Variants in CTNNBL1 observed in about 807,000 individuals in gnomAD.
The protein encoded by CTNNBL1 is catenin beta like 1.
In CTNNBL1, 31 loss-of-function variants were observed where a neutral mutation model predicts 72.7. That is an observed-to-expected ratio of 0.43 (90% CI 0.32 to 0.58). CTNNBL1 has a LOEUF of 0.58. Among genes scored for constraint, CTNNBL1 ranks in the 20% least tolerant of loss-of-function variants. The pLI is 0.08. For missense variants in CTNNBL1, 534 were observed against 725.1 expected (o/e 0.74, Z 3.03); for synonymous variants, 240 against 267.3 (o/e 0.90, Z 1.00).
At chr20:37,728,215 AATAC>A (rs1368283780) in intron 1 of CTNNBL1, among the ~76,000 whole-genome samples, 1 of 152,216 alleles carries the variant, frequency 6.6e-6, no homozygotes, top group Non-Finnish European at 1.5e-5. Context: ...ATAAGTGTAA[AATAC>A]ATACCAGATT....
At chr20:37,710,266 G>T (rs180743293) in intron 1 of CTNNBL1, among the ~76,000 whole-genome samples, 45 of 152,256 alleles carry the variant, frequency 3.0e-4, no homozygotes, top group African/African-American at 1.0e-3. Context: ...TTGAGTTCTT[G>T]TGCCTACTTT....
intron 10 of CTNNBL1, among the ~76,000 whole-genome samples, chr20:37,798,787 A>G (rs772717978): frequency 6.6e-6 from 1 of 152,168 alleles, no homozygotes; most frequent in Non-Finnish European, 1.5e-5. Context: ...AAATGGTTTG[A>G]GCGTATGCTG....
In CTNNBL1 at chr20:37,746,476, A is replaced by G; in HGVS notation, c.335A>G (p.Glu112Gly). ...CTTGTTTTCCCTCCTAGGTTCATGG[A>G]ATCCGAGCTGGACCTAAATGACATC... Reference protein sequence around the residue: ...KFPDNPEKFMESELDLNDIIQ... With the variant: ...KFPDNPEKFMGSELDLNDIIQ... The change falls in exon 4 of 16, where the codon GAA (glutamate) becomes GGA (glycine). Residue 112 changes from glutamate to glycine, a missense_variant. By Grantham distance (98) the Glu-to-Gly change is moderately conservative. Coordinates refer to ENST00000361383, the MANE Select transcript of CTNNBL1 (RefSeq NM_030877.5). The G allele has an allele frequency of 6.2e-7, 1 of 1,613,252 alleles. No homozygotes were observed. The highest frequency in any genetic ancestry group is 1.7e-5 in the Admixed American group (1 of 60,004).
chr20:37,804,507 C>CA (rs1204141920), intron 11 of CTNNBL1, among the ~76,000 whole-genome samples: 1 of 152,150 alleles, frequency 6.6e-6, no homozygotes, highest in African/African-American at 2.4e-5. Context: ...AACTTCCCTT[C>CA]ACTGCATTTT....
chr20:37,741,591 T>G (rs1342633781), intron 3 of CTNNBL1, among the ~76,000 whole-genome samples: 1 of 152,220 alleles, frequency 6.6e-6, no homozygotes, highest in Non-Finnish European at 1.5e-5. Flanking sequence ...TTATTTATAT[T>G]TAATGGAGGC....
At chr20:37,848,905 C>T (rs1293895046) in intron 13 of CTNNBL1, among the ~76,000 whole-genome samples, 1 of 151,752 alleles carries the variant, frequency 6.6e-6, no homozygotes, top group Non-Finnish European at 1.5e-5. Flanking sequence ...ACCCGGACAT[C>T]ACCCATAGGC....
intron 11 of CTNNBL1, among the ~76,000 whole-genome samples, chr20:37,809,525 G>A (rs1314873692): frequency 1.1e-4 from 17 of 152,270 alleles, no homozygotes; most frequent in African/African-American, 3.9e-4. Context: ...GTCATACAGT[G>A]GGTAATTGGC....
intron 5 of CTNNBL1, 79 bp from the exon 6 acceptor site, chr20:37,765,118 G>T (rs1158122871): frequency 1.7e-5 from 15 of 899,716 alleles, no homozygotes; most frequent in Non-Finnish European, 2.7e-5. Context: ...AAATAGTGGA[G>T]AAGTAAGTAT....
intron 11 of CTNNBL1, among the ~76,000 whole-genome samples, chr20:37,813,944 A>C (rs907219555): frequency 6.6e-6 from 1 of 152,162 alleles, no homozygotes; most frequent in African/African-American, 2.4e-5. Context: ...TAATGTTGCC[A>C]TTTGGGGGCC....
chr20:37,737,601 C>T, intron 3 of CTNNBL1, 117 bp downstream of exon 3: 9 of 650,914 alleles, frequency 1.4e-5, no homozygotes, highest in Non-Finnish European at 2.1e-5. Flanking sequence ...CAGGATGACC[C>T]CCATGTTTGG....
intron 10 of CTNNBL1, 123 bp downstream of exon 10, chr20:37,779,458 AGTAAAGT>A: frequency 9.0e-7 from 1 of 1,110,436 alleles, no homozygotes; most frequent in Non-Finnish European, 1.3e-6. Flanking sequence ...TACCCTGAAG[AGTAAAGT>A]CTTCAGGCAT....
intron 10 of CTNNBL1, among the ~76,000 whole-genome samples, chr20:37,789,279 C>T (rs944903580): frequency 2.0e-5 from 3 of 152,136 alleles, no homozygotes; most frequent in Admixed American, 6.5e-5. Flanking sequence ...CTTTGTGCAT[C>T]GGGCAGCTCA....
intron 11 of CTNNBL1, among the ~76,000 whole-genome samples, chr20:37,814,124 C>T (rs1440551369): frequency 6.6e-6 from 1 of 152,154 alleles, no homozygotes; most frequent in Non-Finnish European, 1.5e-5. Context: ...ACCTGGCCTT[C>T]CTAGGAACTG....
intron 1 of CTNNBL1, among the ~76,000 whole-genome samples, chr20:37,726,448 CT>C (rs1162397585): frequency 6.6e-6 from 1 of 152,214 alleles, no homozygotes; most frequent in African/African-American, 2.4e-5. Context: ...GCCTTGTGGT[CT>C]TGCTCACCAT....
intron 1 of CTNNBL1, among the ~76,000 whole-genome samples, chr20:37,726,820 C>G (rs1341204525): frequency 6.6e-6 from 1 of 152,150 alleles, no homozygotes; most frequent in Non-Finnish European, 1.5e-5. Context: ...CACACATGCA[C>G]ACATTTACAC....
At chr20:37,777,583 C>A in intron 8 of CTNNBL1, 71 bp from the exon 9 acceptor site, 1 of 1,462,338 alleles carries the variant, frequency 6.8e-7, no homozygotes, top group South Asian at 1.1e-5. Flanking sequence ...GCTGATGTAT[C>A]AGTGTTAGAC....
At chr20:37,854,956 C>A (rs1418155474) in intron 13 of CTNNBL1, among the ~76,000 whole-genome samples, 3 of 152,098 alleles carry the variant, frequency 2.0e-5, no homozygotes, top group Non-Finnish European at 4.4e-5. Flanking sequence ...TATCCTGACA[C>A]ATAGTAAGTC....
At chr20:37,710,975 A>G (rs1034398950) in intron 1 of CTNNBL1, among the ~76,000 whole-genome samples, 2 of 152,148 alleles carry the variant, frequency 1.3e-5, no homozygotes. Flanking sequence ...TGATATGTAC[A>G]TGTGCTCTGT....
At chr20:37,833,596 A>G (rs2235477) in intron 11 of CTNNBL1, among the ~76,000 whole-genome samples, 124,458 of 152,126 alleles carry the variant, frequency 0.82, 50,955 homozygotes, top group Middle Eastern at 0.89. Context: ...GTGTACATGC[A>G]TGTGTGTTTT....
Sources: gnomAD v4.1 joint callset for allele counts (sites outside exome capture counted in the v4.1 genomes callset) on GRCh38, gnomAD v4.1.1 for gene constraint, MANE v1.5 for transcripts, NCBI Gene and HGNC (gene_info 2026-07-23, HGNC 2026-07-21) for gene names.